Variants in SUPT4H1 observed in about 807,000 individuals in gnomAD.
The protein encoded by SUPT4H1 is SPT4 homolog, DSIF elongation factor subunit.
Under a neutral mutation model 19.4 loss-of-function variants are expected in SUPT4H1, and 12 were observed. The observed-to-expected ratio is 0.62, with a 90% CI of 0.40 to 1.00. The LOEUF (loss-of-function observed/expected upper bound fraction) is 1.00, where lower values mean the gene tolerates loss of function less well. Ranked by LOEUF, SUPT4H1 falls within the 50% of genes least tolerant of loss-of-function variation. The pLI, the probability that SUPT4H1 is intolerant of heterozygous loss-of-function variation, is 0.00. For missense variants in SUPT4H1, 115 were observed against 149.2 expected, an observed-to-expected ratio of 0.77 and a Z score of 1.19; for synonymous variants, 58 against 56.3, an observed-to-expected ratio of 1.03 and a Z score of -0.14.
intron 3 of SUPT4H1, 135 bp downstream of exon 3, chr17:58,347,394 G>T: frequency 7.5e-7 from 1 of 1,334,596 alleles, no homozygotes; most frequent in Non-Finnish European, 1.1e-6. Context: ...ACAGGACACT[G>T]CTTCCCTGTG....
chr17:58,348,933 T>C (rs994541593), intron 2 of SUPT4H1, among the ~76,000 whole-genome samples: 4 of 152,184 alleles, frequency 2.6e-5, no homozygotes, highest in African/African-American at 9.7e-5. Context: ...AGGCCTTGAA[T>C]AGGCATTTCT....
chr17:58,350,209 G>T (rs1972445949), intron 2 of SUPT4H1, among the ~76,000 whole-genome samples: 1 of 151,686 alleles, frequency 6.6e-6, no homozygotes, highest in African/African-American at 2.4e-5. Context: ...GGAGGTTGCA[G>T]TGAGCTGAGA....
At chr17:58,346,378 T>G in intron 4 of SUPT4H1, 65 bp from the exon 5 acceptor site, 1 of 1,396,028 alleles carries the variant, frequency 7.2e-7, no homozygotes, top group Non-Finnish European at 1.0e-6. Context: ...GCCACTCAGC[T>G]GCCACCTTGA....
In SUPT4H1 at chr17:58,352,193, G is replaced by A; in HGVS notation, c.-58C>T. 1 of 1,538,266 alleles carries A rather than the reference G, an allele frequency of 6.5e-7. No homozygotes were observed. Among genetic ancestry groups the A allele is most frequent in the Non-Finnish European group, 9.0e-7 (1 of 1,113,366 alleles). On this transcript the variant is annotated 5_prime_UTR_variant, in exon 1 of 5. Transcript: ENST00000225504. ...ACGACCACAGCCTGTGCACCCGCAG[G>A]AAGTAAATAGCTCGTTACCCAGAAT...
At chr17:58,349,123 C>T (rs1972396126) in intron 2 of SUPT4H1, among the ~76,000 whole-genome samples, 1 of 152,208 alleles carries the variant, frequency 6.6e-6, no homozygotes, top group Non-Finnish European at 1.5e-5. Flanking sequence ...GAAAATGGTG[C>T]AGTTGCTAAA....
chr17:58,348,447 T>G (rs1265558473), intron 2 of SUPT4H1, among the ~76,000 whole-genome samples: 1 of 152,120 alleles, frequency 6.6e-6, no homozygotes, highest in Non-Finnish European at 1.5e-5. Flanking sequence ...CGCTGTTAAG[T>G]GGAACCGACC....
At position 58,351,460 on chromosome 17, in the gene SUPT4H1, G is replaced by C. The variant is rs922114806; in HGVS notation, c.118C>G (p.Leu40Val). 4 of 1,614,024 alleles carry C rather than the reference G, an allele frequency of 2.5e-6. No individual in the cohort carries two copies. Among genetic ancestry groups the C allele is most frequent in the South Asian group, 2.2e-5 (2 of 91,066 alleles). Residue 40 changes from leucine (L) to valine (V), a missense_variant, in exon 2 of 5, where the codon CTA (leucine) becomes GTA (valine). Transcript: ENST00000225504. Reference sequence around the variant, plus strand: ...ATCTCTCGGTTACCCTTCATTTGTAGATATGCATCACAATTGTCACAACCA... The same window carrying C: ...ATCTCTCGGTTACCCTTCATTTGTACATATGCATCACAATTGTCACAACCA... ...YDGCDNCDAY[L>V]QMKGNREMVY...
chr17:58,352,112 C>T lies in SUPT4H1; in HGVS notation c.24G>A (p.Lys8=). The T allele has an allele frequency of 6.2e-7, 1 of 1,614,226 alleles. No homozygotes were observed. Among genetic ancestry groups the T allele is most frequent in the African/African-American group, 1.3e-5 (1 of 75,060 alleles). The change falls in exon 1 of 5, where the codon AAG becomes AAA. Residue 8 remains lysine (K), a synonymous_variant. Coordinates refer to ENST00000225504, the MANE Select transcript of SUPT4H1 (RefSeq NM_003168.3). MALETVP[K]DLRHLRACLL... ...AACAGGCCCGCAGATGCCGCAGGTC[C>T]TTCGGCACCGTCTCCAGGGCCATCT...
At chr17:58,347,675 CGAGTCTCCACT>C in intron 2 of SUPT4H1, 91 bp from the exon 3 acceptor site, 2 of 1,299,120 alleles carry the variant, frequency 1.5e-6, no homozygotes, top group East Asian at 4.7e-5. Context: ...AGCCAAGTAC[CGAGTCTCCACT>C]GGAAAGCTGG....
intron 2 of SUPT4H1, among the ~76,000 whole-genome samples, chr17:58,349,045 TAATA>T (rs1972393598): frequency 6.6e-6 from 1 of 152,190 alleles, no homozygotes; most frequent in African/African-American, 2.4e-5. Flanking sequence ...TGGCTATTAT[TAATA>T]AATAATTAAG....
intron 2 of SUPT4H1, among the ~76,000 whole-genome samples, chr17:58,350,371 G>T (rs924561867): frequency 1.3e-5 from 2 of 151,768 alleles, no homozygotes; most frequent in African/African-American, 4.8e-5. Context: ...AATTAGCTGG[G>T]TATGGTGGCA....
rs773854986 is a variant in SUPT4H1 at position 58,346,322 on chromosome 17, G to T, written c.287-9C>A. Reference sequence around the variant, plus strand: ...CAGCTCCCGCACGATTCCTGAAGCAGGAAAAGAAACAGTTCTGTGAGGTAA... The same window carrying T: ...CAGCTCCCGCACGATTCCTGAAGCATGAAAAGAAACAGTTCTGTGAGGTAA... On this transcript the variant is annotated splice_polypyrimidine_tract_variant and intron_variant, in intron 4 of 4. Transcript: ENST00000225504. 10 of 1,613,600 alleles carry T rather than the reference G, an allele frequency of 6.2e-6. No homozygotes were observed. Among genetic ancestry groups the T allele is most frequent in the Non-Finnish European group, 8.5e-6 (10 of 1,179,626 alleles).
At chr17:58,346,360 T>C in intron 4 of SUPT4H1, 47 bp from the exon 5 acceptor site, 2 of 1,545,554 alleles carry the variant, frequency 1.3e-6, no homozygotes, top group Non-Finnish European at 8.9e-7. Context: ...TTCAGAAGGG[T>C]AAGATAGGCC....
chr17:58,350,665 G>A (rs929734462), intron 2 of SUPT4H1, among the ~76,000 whole-genome samples: 4 of 151,046 alleles, frequency 2.6e-5, no homozygotes, highest in East Asian at 2.0e-4. Flanking sequence ...GTGAAACCCC[G>A]TCTCTACTAA....
chr17:58,348,773 T>C (rs184667197), intron 2 of SUPT4H1, among the ~76,000 whole-genome samples: 1 of 152,192 alleles, frequency 6.6e-6, no homozygotes, highest in Admixed American at 6.5e-5. Flanking sequence ...AAGAGGAAAG[T>C]ACTACCTCTT....
At chr17:58,346,718 CAAAAAAA>C (rs33965188) in intron 4 of SUPT4H1, among the ~76,000 whole-genome samples, 2 of 72,214 alleles carry the variant, frequency 2.8e-5, no homozygotes, top group African/African-American at 5.8e-5. Flanking sequence ...GACTCTGTCT[CAAAAAAA>C]AAAAAAAAAA....
chr17:58,346,191 GA>G lies in SUPT4H1; in HGVS notation c.*54del. ...TTCTGTTCATTTAGTTCCAGAACAA[GA>G]AATAAGCAGAGGCAGGAGGTGGAGA... On this transcript the variant is annotated 3_prime_UTR_variant, in exon 5 of 5. Coordinates refer to ENST00000225504, the MANE Select transcript of SUPT4H1 (RefSeq NM_003168.3). The G allele has an allele frequency of 7.0e-7, 1 of 1,437,024 alleles. No homozygotes were observed. The highest frequency in any genetic ancestry group is 9.8e-7 in the Non-Finnish European group (1 of 1,019,330). The allele number at this position is 1,437,024 out of a possible 1,614,324, so 89.0% of individuals were successfully genotyped here. A position where few individuals can be genotyped will look rare whatever the true frequency, so the allele number is the denominator to read the frequency against.
chr17:58,346,250 G>A lies in SUPT4H1; in HGVS notation c.350C>T (p.Thr117Ile). 1 of 1,613,834 alleles carries A rather than the reference G, an allele frequency of 6.2e-7. No individual in the cohort carries two copies. The highest frequency in any genetic ancestry group is 1.1e-5 in the South Asian group (1 of 91,072). The part of the protein sequence containing the change: ...AYKSRDTAIK[T>I] ...TGCTGGCAGCCTTGCATCTTGCTAG[G>A]TCTTTATAGCTGTGTCTCTGGATTT... Residue 117 changes from threonine to isoleucine, a missense_variant, in exon 5 of 5, where the codon ACC (threonine) becomes ATC (isoleucine). Physicochemically the swap from Thr to Ile is moderately conservative, Grantham distance 89 (BLOSUM62 -1). Transcript: ENST00000225504.
Position 58,346,133 on chromosome 17 carries a change from G to A in SUPT4H1, c.*113C>T. 2 of 826,732 alleles carry A rather than the reference G, an allele frequency of 2.4e-6. No individual in the cohort carries two copies. Among genetic ancestry groups the A allele is most frequent in the Non-Finnish European group, 4.1e-6 (2 of 483,570 alleles). The allele number at this position is 826,732 out of a possible 1,614,324, so 51.2% of individuals were successfully genotyped here. A position where few individuals can be genotyped will look rare whatever the true frequency, so the allele number is the denominator to read the frequency against. On this transcript the variant is annotated 3_prime_UTR_variant, in exon 5 of 5. Transcript: ENST00000225504. ...TGTGCTGCTCTCTCAACAGTCAGCT[G>A]AGTCTGAATTGGAGGGTAGGAAGTA... is the stretch of plus-strand genomic sequence containing the variant.
Sources: allele counts gnomAD v4.1 joint callset (sites outside exome capture counted in the v4.1 genomes callset), GRCh38; gene constraint gnomAD v4.1.1; transcripts MANE v1.5; gene names NCBI Gene and HGNC (gene_info 2026-07-23, HGNC 2026-07-21).